TXLNB: variants seen among roughly 807,000 people sequenced by gnomAD.
TXLNB encodes beta-taxilin.
TXLNB carries 37 observed loss-of-function variants against 57.4 expected under a neutral mutation model. The observed-to-expected ratio is 0.64, with a 90% CI of 0.50 to 0.85. The LOEUF is 0.85. Among genes scored for constraint, TXLNB ranks in the 40% least tolerant of loss-of-function variants. The pLI, the probability that TXLNB is intolerant of heterozygous loss-of-function variation, is 0.00. For missense variants in TXLNB, 848 were observed against 825.6 expected (o/e 1.03, Z -0.33); for synonymous variants, 302 against 309.6 (o/e 0.98, Z 0.26).
chr6:139,247,995 T>C (rs1562272675), intron 7 of TXLNB, 86 bp from the exon 8 acceptor site: 2 of 718,404 alleles, frequency 2.8e-6, no homozygotes, highest in East Asian at 6.0e-5. Context: ...ATTCTCAATA[T>C]AGTATTAGTA....
chr6:139,166,636 G>A, the TXLNB span: 6 of 1,614,094 alleles, frequency 3.7e-6, no homozygotes, highest in Non-Finnish European at 5.1e-6. Context: ...CTGGCTCCGA[G>A]AAGAACACAG....
chr6:139,308,381 A>G, the TXLNB span, among the ~76,000 whole-genome samples: 1 of 152,250 alleles, frequency 6.6e-6, no homozygotes, highest in Non-Finnish European at 1.5e-5. Flanking sequence ...TGACCAGCCC[A>G]GACGCCGTCT....
In TXLNB at chr6:139,255,604, G is replaced by A. The variant is rs368824807; in HGVS notation, c.1037C>T (p.Ala346Val). ...LNQAAEWKLQ[A>V]KVLKEQETVL... ...TGTCTCTTGCTCCTTCAGCACTTTC[G>A]CCTGAAGTTTCCACTCTGCTGCCTG... The change falls in exon 7 of 10, where the codon GCG (alanine) becomes GTG (valine). Residue 346 changes from alanine to valine, a missense_variant. Physicochemically the swap from Ala to Val is moderately conservative, Grantham distance 64 (BLOSUM62 0). Coordinates refer to ENST00000358430, the MANE Select transcript of TXLNB (RefSeq NM_153235.4). The A allele has an allele frequency of 3.7e-6, 6 of 1,613,796 alleles. No individual in the cohort carries two copies. The South Asian group carries it at 4.4e-5, about 12-fold the overall frequency.
chr6:139,288,509 G>C lies in TXLNB; in HGVS notation c.391C>G (p.Gln131Glu). The C allele has an allele frequency of 2.5e-6, 4 of 1,613,804 alleles. No individual in the cohort carries two copies. Among genetic ancestry groups the C allele is most frequent in the Non-Finnish European group, 3.4e-6 (4 of 1,179,940 alleles). The stretch of plus-strand genomic sequence containing the variant: ...TTTAGGATTTTCTTTTCCAATTTTT[G>C]CTCCTTATTGCTGACGGGCTCTTTG... ...TVKEPVSNKEQKLEKKILKGL... is the reference protein window; with the variant it reads ...TVKEPVSNKEEKLEKKILKGL... The change falls in exon 2 of 10, where the codon CAA becomes GAA. Residue 131 changes from glutamine (Q) to glutamate (E), a missense_variant. By Grantham distance (29) the Gln-to-Glu change is conservative. Coordinates refer to ENST00000358430, the MANE Select transcript of TXLNB (RefSeq NM_153235.4).
At chr6:139,190,392 C>T in the TXLNB span, among the ~76,000 whole-genome samples, 1 of 149,654 alleles carries the variant, frequency 6.7e-6, no homozygotes, top group Non-Finnish European at 1.5e-5. Context: ...TCACTGTAAC[C>T]TCCACCTTCT....
chr6:139,246,195 A>G (rs1388302021), intron 8 of TXLNB, among the ~76,000 whole-genome samples: 1 of 152,216 alleles, frequency 6.6e-6, no homozygotes, highest in Admixed American at 6.5e-5. Context: ...TTAAAACTAC[A>G]TAATTTTGAA....
chr6:139,218,164 T>C, the TXLNB span, among the ~76,000 whole-genome samples: 15 of 152,216 alleles, frequency 9.9e-5, no homozygotes, highest in Non-Finnish European at 1.8e-4. Flanking sequence ...CAATTCAGTA[T>C]GTGTTGGGTT....
the TXLNB span, chr6:139,182,872 C>T: frequency 1.3e-5 from 2 of 152,196 alleles, no homozygotes; most frequent in African/African-American, 2.4e-5. Flanking sequence ...ACACTGGTTA[C>T]ATTCATCAGT....
At chr6:139,224,124 T>A in the TXLNB span, among the ~76,000 whole-genome samples, 1 of 149,044 alleles carries the variant, frequency 6.7e-6, no homozygotes, top group Non-Finnish European at 1.5e-5. Context: ...CCATAAAAAA[T>A]GATGAGTTCA....
chr6:139,320,915 C>T, the TXLNB span, among the ~76,000 whole-genome samples: 1 of 152,314 alleles, frequency 6.6e-6, no homozygotes, highest in African/African-American at 2.4e-5. Flanking sequence ...GTTAGAGCTA[C>T]AGTGGCCATA....
chr6:139,218,872 G>A, the TXLNB span, among the ~76,000 whole-genome samples: 1 of 152,158 alleles, frequency 6.6e-6, no homozygotes, highest in South Asian at 2.1e-4. Flanking sequence ...TGGAACCCAT[G>A]GGAAAATAGA....
chr6:139,199,159 C>T, the TXLNB span, among the ~76,000 whole-genome samples: 2 of 152,134 alleles, frequency 1.3e-5, no homozygotes, highest in Non-Finnish European at 2.9e-5. Flanking sequence ...TAGATTCACA[C>T]TCCGTTCAGC....
chr6:139,295,113 C>G (rs1345690971), upstream of TXLNB, among the ~76,000 whole-genome samples: 1 of 152,006 alleles, frequency 6.6e-6, no homozygotes, highest in African/African-American at 2.4e-5. Flanking sequence ...TGCTAATTGG[C>G]CCTAACTTGA....
chr6:139,160,486 T>G, the TXLNB span, among the ~76,000 whole-genome samples: 1 of 152,248 alleles, frequency 6.6e-6, no homozygotes, highest in Non-Finnish European at 1.5e-5. Flanking sequence ...TTGCCGAGGC[T>G]CACTGCAGCC....
chr6:139,189,717 G>A, the TXLNB span, among the ~76,000 whole-genome samples: 9 of 152,290 alleles, frequency 5.9e-5, no homozygotes, highest in East Asian at 1.5e-3. Context: ...GTGGAGGTTT[G>A]CGGGGAGAGA....
the TXLNB span, among the ~76,000 whole-genome samples, chr6:139,215,824 G>A: frequency 3.1e-4 from 47 of 152,298 alleles, no homozygotes; most frequent in African/African-American, 1.1e-3. Context: ...GATATGAACA[G>A]ACACTTCTCT....
the TXLNB span, among the ~76,000 whole-genome samples, chr6:139,173,258 A>T: frequency 6.6e-6 from 1 of 152,210 alleles, no homozygotes. Flanking sequence ...TTGGCTGTTA[A>T]CATGCCCCAT....
At chr6:139,278,203 C>T (rs546629339) in intron 2 of TXLNB, among the ~76,000 whole-genome samples, 1 of 152,290 alleles carries the variant, frequency 6.6e-6, no homozygotes, top group South Asian at 2.1e-4. Flanking sequence ...ATGATTAGTG[C>T]TGGCAGAGAG....
At chr6:139,231,585 T>C in the TXLNB span, among the ~76,000 whole-genome samples, 2 of 152,220 alleles carry the variant, frequency 1.3e-5, no homozygotes, top group African/African-American at 4.8e-5. Flanking sequence ...TGTCTCCTTT[T>C]TCTTGCCTGA....
Sources: gnomAD v4.1 joint callset for allele counts (sites outside exome capture counted in the v4.1 genomes callset) on GRCh38, gnomAD v4.1.1 for gene constraint, MANE v1.5 for transcripts, NCBI Gene and HGNC (gene_info 2026-07-23, HGNC 2026-07-21) for gene names.